The following FBXO41 variants were observed in gnomAD, a reference collection of about 807,000 sequenced individuals.
FBXO41 encodes the protein F-box only protein 41.
In FBXO41, 33 loss-of-function variants were observed where a neutral mutation model predicts 81.6. The ratio of observed to expected loss-of-function variants is 0.40; its 90% CI spans 0.31 to 0.54. FBXO41 has a LOEUF of 0.54. Ranked by LOEUF, FBXO41 falls within the 20% of genes least tolerant of loss-of-function variation. The pLI is 0.39. For missense variants in FBXO41, 1,107 were observed against 1,236.0 expected (o/e 0.90, Z 1.56); for synonymous variants, 576 against 552.7 (o/e 1.04, Z -0.59).
intron 1 of FBXO41, chr2:73,271,192 G>T: frequency 3.0e-6 from 1 of 331,722 alleles, no homozygotes; most frequent in Non-Finnish European, 6.0e-6. Context: ...TTGCCTTCTG[G>T]CATTTCCACA....
intron 1 of FBXO41, among the ~76,000 whole-genome samples, chr2:73,279,938 C>A (rs1194897255): frequency 1.3e-5 from 2 of 152,100 alleles, no homozygotes; most frequent in Non-Finnish European, 2.9e-5. Flanking sequence ...TTAGAAGCAG[C>A]CAGTAGACAG....
In FBXO41 at chr2:73,265,404, C is replaced by T. The variant is rs774012541; in HGVS notation, c.1442G>A (p.Gly481Glu). The T allele has an allele frequency of 1.2e-6, 2 of 1,610,916 alleles. No individual in the cohort carries two copies. Among genetic ancestry groups the T allele is most frequent in the Admixed American group, 1.7e-5 (1 of 60,014 alleles). The change falls in exon 5 of 13, where the codon GGG becomes GAG. Residue 481 changes from glycine to glutamate, a missense_variant. Transcript: ENST00000520530. Reference sequence around the variant, plus strand: ...AACGTCGGAGACATCACCCTCTTCCCCCTCAGTGCTGTGTCGGCGGGGTCT... The same window carrying T: ...AACGTCGGAGACATCACCCTCTTCCTCCTCAGTGCTGTGTCGGCGGGGTCT... ...QRRPRRHSTE[G>E]EEGDVSDVGS...
chr2:73,280,402 A>T (rs1388143564), intron 1 of FBXO41, among the ~76,000 whole-genome samples: 1 of 152,220 alleles, frequency 6.6e-6, no homozygotes, highest in African/African-American at 2.4e-5. Flanking sequence ...TTCTAAAAAC[A>T]TTTCAGAAGG....
In FBXO41 at chr2:73,269,504, T is replaced by G; in HGVS notation, c.127A>C (p.Lys43Gln). ...GCGCCGTCGCAGATGCTGTTGGTCT[T>G]GGAGAGGATGTAGAGCGTCTCGTAG... ...HTYETLYILS[K>Q]TNSICDGAAA... is the part of the protein sequence containing the mutation. Residue 43 changes from lysine (K) to glutamine (Q), a missense_variant, in exon 2 of 13, where the codon AAG becomes CAG. Lys to Gln is a moderately conservative substitution (Grantham distance 53). Coordinates refer to ENST00000520530, the MANE Select transcript of FBXO41 (RefSeq NM_001371389.2). This position sits in a 1 kb window ranked among gnomAD's most constrained non-coding sequence, Gnocchi z 7.0. 2.2e-6 allele frequency: 3 copies of G among 1,346,458 alleles called. No individual in the cohort carries two copies. Among genetic ancestry groups the G allele is most frequent in the Non-Finnish European group, 2.9e-6 (3 of 1,039,562 alleles). 83.4% of individuals were successfully genotyped at this position (1,346,458 alleles called of 1,614,324 possible). A position where few individuals can be genotyped will look rare whatever the true frequency, so the allele number is the denominator to read the frequency against.
In FBXO41 at chr2:73,265,211, G is replaced by C. The variant is rs566182087; in HGVS notation, c.1564+71C>G. 9 of 1,396,224 alleles carry C rather than the reference G, an allele frequency of 6.4e-6. No homozygotes were observed. In the African/African-American group the frequency reaches 1.1e-4, roughly 18 times the overall value. The allele number at this position is 1,396,224 out of a possible 1,614,324, so 86.5% of individuals were successfully genotyped here. ...GGTGGGCAAGTCTGGGGAAAGGGGAGGGGGGTGCAGGAGCCCAGGAGATTC... is the reference window on the plus strand; with the variant it reads ...GGTGGGCAAGTCTGGGGAAAGGGGACGGGGGTGCAGGAGCCCAGGAGATTC... On this transcript the variant is annotated intron_variant, in intron 5 of 12. Coordinates refer to ENST00000520530, the MANE Select transcript of FBXO41 (RefSeq NM_001371389.2).
intron 2 of FBXO41, among the ~76,000 whole-genome samples, 198 bp downstream of exon 2, chr2:73,268,528 A>T (rs1558586916): frequency 1.3e-5 from 2 of 152,230 alleles, no homozygotes. Flanking sequence ...AAAGAGGCAC[A>T]GGGTCACACT....
Position 73,265,865 on chromosome 2 carries a change from C to T in FBXO41, c.1205+28G>A, listed in dbSNP as rs1305077570. 4.5e-6 allele frequency: 7 copies of T among 1,564,036 alleles called. No homozygotes were observed. In the Admixed American group the frequency reaches 1.3e-4, roughly 29 times the overall value. On this transcript the variant is annotated intron_variant, in intron 4 of 12. Coordinates refer to ENST00000520530, the MANE Select transcript of FBXO41 (RefSeq NM_001371389.2). ...ATCCTTCCAGGGTGAGGGTGGGCTG[C>T]ATGGGGTGGGCTGGGCCCAAGGCTT...
rs763527163 is a variant in FBXO41, at chr2:73,266,667, G to A, written c.921C>T (p.Ile307=). 80 of 1,591,876 alleles carry A rather than the reference G, an allele frequency of 5.0e-5. No individual in the cohort carries two copies. Among genetic ancestry groups the A allele is most frequent in the Admixed American group, 6.8e-5 (4 of 58,458 alleles). The change falls in exon 3 of 13, where the codon ATC becomes ATT. Residue 307 remains isoleucine, a synonymous_variant. Coordinates refer to ENST00000520530, the MANE Select transcript of FBXO41 (RefSeq NM_001371389.2). The surrounding 1 kb of genome is among the most constrained non-coding windows in gnomAD (Gnocchi z 5.3). Reference sequence around the variant, plus strand: ...CCGCCGTCTCCTTCAGGAACTGGTCGATCTGCACCACCTCCCTGGGCCCAG... The same window carrying A: ...CCGCCGTCTCCTTCAGGAACTGGTCAATCTGCACCACCTCCCTGGGCCCAG... ...LSRKQQEVVQ[I]DQFLKETAAR...
At position 73,265,406 on chromosome 2, in the gene FBXO41, C is replaced by G; in HGVS notation, c.1440G>C (p.Glu480Asp). 1 of 1,610,830 alleles carries G rather than the reference C, an allele frequency of 6.2e-7. No individual in the cohort carries two copies. Among genetic ancestry groups the G allele is most frequent in the Non-Finnish European group, 8.5e-7 (1 of 1,179,734 alleles). The part of the protein sequence containing the change: ...WQRRPRRHST[E>D]GEEGDVSDVG... ...CGTCGGAGACATCACCCTCTTCCCCCTCAGTGCTGTGTCGGCGGGGTCTGC... is the reference window on the plus strand; with the variant it reads ...CGTCGGAGACATCACCCTCTTCCCCGTCAGTGCTGTGTCGGCGGGGTCTGC... The change falls in exon 5 of 13, where the codon GAG becomes GAC. Residue 480 changes from glutamate (E) to aspartate (D), a missense_variant. This residue lies in a region of FBXO41 where 771 missense variants were observed against 789.2 expected (regional missense o/e 0.98). Coordinates refer to ENST00000520530, the MANE Select transcript of FBXO41 (RefSeq NM_001371389.2).
At chr2:73,283,728 C>T (rs773912889) in intron 1 of FBXO41, among the ~76,000 whole-genome samples, 1 of 152,216 alleles carries the variant, frequency 6.6e-6, no homozygotes, top group African/African-American at 2.4e-5. Context: ...CACACCGGCA[C>T]GCACAGACAC....
Position 73,264,285 on chromosome 2 carries a change from C to T in FBXO41, c.1799G>A (p.Cys600Tyr), listed in dbSNP as rs1448083007. Residue 600 changes from cysteine to tyrosine, a missense_variant, in exon 6 of 13, where the codon TGC becomes TAC. Cys to Tyr is a radical substitution (Grantham distance 194). Coordinates refer to ENST00000520530, the MANE Select transcript of FBXO41 (RefSeq NM_001371389.2). ...TRVLLENARV[C>Y]SKFLAMLAQW... ...GCAGGCAGGGGCAGGTACCTTGGAG[C>T]AGACACGGGCATTCTCAAGCAGCAC... is the stretch of plus-strand genomic sequence containing the variant. The T allele has an allele frequency of 6.2e-7, 1 of 1,613,354 alleles. No homozygotes were observed. The highest frequency in any genetic ancestry group is 8.5e-7 in the Non-Finnish European group (1 of 1,179,848).
chr2:73,254,822 G>A lies in FBXO41; in HGVS notation c.*4160C>T, dbSNP rs1237850014. ...TACGGGTGACATGGAGCAAAGTGCTGGGATGGCGATGCCTGGGTGGGGCAG... is the reference window on the plus strand; with the variant it reads ...TACGGGTGACATGGAGCAAAGTGCTAGGATGGCGATGCCTGGGTGGGGCAG... On this transcript the variant is annotated 3_prime_UTR_variant, in exon 13 of 13. Transcript: ENST00000520530. 2 of 152,710 alleles carry A rather than the reference G, an allele frequency of 1.3e-5. No individual in the cohort carries two copies. The highest frequency in any genetic ancestry group is 6.5e-5 in the Admixed American group (1 of 15,286). The allele number at this position is 152,710 out of a possible 1,614,324, so 9.5% of individuals were successfully genotyped here. A position where few individuals can be genotyped will look rare whatever the true frequency, so the allele number is the denominator to read the frequency against.
At position 73,264,416 on chromosome 2, in the gene FBXO41, G is replaced by A. The variant is rs1395957217; in HGVS notation, c.1668C>T (p.Ala556=). The A allele has an allele frequency of 1.9e-5, 30 of 1,613,958 alleles. No homozygotes were observed. The highest frequency in any genetic ancestry group is 1.6e-4 in the Middle Eastern group (1 of 6,062). The change falls in exon 6 of 13, where the codon GCC becomes GCT. Residue 556 remains alanine, a synonymous_variant. Transcript: ENST00000520530. The part of the protein sequence containing the change: ...ISPEILKMRA[A]LFCIFTYLDT... ...CCAGGTAGGTGAAGATGCAGAAGAGGGCAGCTCGCATCTTCAGGATCTCTG... is the reference window on the plus strand; with the variant it reads ...CCAGGTAGGTGAAGATGCAGAAGAGAGCAGCTCGCATCTTCAGGATCTCTG...
Position 73,260,887 on chromosome 2 carries a change from G to A in FBXO41, c.2172-29C>T, listed in dbSNP as rs1363288396. The A allele has an allele frequency of 6.5e-7, 1 of 1,528,852 alleles. No homozygotes were observed. The highest frequency in any genetic ancestry group is 8.9e-7 in the Non-Finnish European group (1 of 1,129,094). The allele number at this position is 1,528,852 out of a possible 1,614,324, so 94.7% of individuals were successfully genotyped here. A position where few individuals can be genotyped will look rare whatever the true frequency, so the allele number is the denominator to read the frequency against. On this transcript the variant is annotated intron_variant, in intron 9 of 12. Coordinates refer to ENST00000520530, the MANE Select transcript of FBXO41 (RefSeq NM_001371389.2). The surrounding 1 kb of genome is among the most constrained non-coding windows in gnomAD (Gnocchi z 5.0). ...GAGAATGGGAAGGGGGAGCCGTCAG[G>A]GAAGTCTCTGGATGCTTGATAACCC...
chr2:73,269,645 C>T lies in FBXO41; in HGVS notation c.-15G>A. 8.5e-7 allele frequency: 1 copy of T among 1,174,650 alleles called. No homozygotes were observed. Among genetic ancestry groups the T allele is most frequent in the Non-Finnish European group, 1.0e-6 (1 of 953,116 alleles). The allele number at this position is 1,174,650 out of a possible 1,614,324, so 72.8% of individuals were successfully genotyped here. ...AGCGAGGCCATGGCCCCGCCGCCCC[C>T]GCGGCACGCGGGCTCCACCGCGGCC... On this transcript the variant is annotated 5_prime_UTR_variant, in exon 2 of 13. Transcript: ENST00000520530. The surrounding 1 kb of genome is among the most constrained non-coding windows in gnomAD (Gnocchi z 7.0).
rs1048681477 is a variant in FBXO41, at chr2:73,269,922, G to A, written c.-138-154C>T. 6.6e-6 allele frequency among the ~76,000 whole-genome samples: 1 copy of A among 152,186 alleles called. No individual in the cohort carries two copies. Among genetic ancestry groups the A allele is most frequent in the Non-Finnish European group, 1.5e-5 (1 of 68,024 alleles). ...GGCTGGCCTGCTCTGGCACCTGTGCGAGGGCCTGTATGTGTGCAAGAGACA... is the reference window on the plus strand; with the variant it reads ...GGCTGGCCTGCTCTGGCACCTGTGCAAGGGCCTGTATGTGTGCAAGAGACA... On this transcript the variant is annotated intron_variant, in intron 1 of 12. Coordinates refer to ENST00000520530, the MANE Select transcript of FBXO41 (RefSeq NM_001371389.2). This position sits in a 1 kb window ranked among gnomAD's most constrained non-coding sequence, Gnocchi z 7.0.
rs1688153145 is a variant in FBXO41 at position 73,264,502 on chromosome 2, T to C, written c.1582A>G (p.Ser528Gly). The change falls in exon 6 of 13, where the codon AGT becomes GGT. Residue 528 changes from serine to glycine, a missense_variant. By Grantham distance (56) the Ser-to-Gly change is moderately conservative. Transcript: ENST00000520530. ...CTCTCTGCTCGCCGACCCCGCCCAC[T>C]GCCTCCCTCGGGGCGGGCTGCAGAA... is the stretch of plus-strand genomic sequence containing the variant. ...CRLSARPEGGSGRGRRAERVS... is the reference protein window; with the variant it reads ...CRLSARPEGGGGRGRRAERVS... The C allele has an allele frequency of 1.9e-6, 3 of 1,613,606 alleles. No homozygotes were observed. Among genetic ancestry groups the C allele is most frequent in the Non-Finnish European group, 2.5e-6 (3 of 1,179,874 alleles).
intron 1 of FBXO41, among the ~76,000 whole-genome samples, chr2:73,276,563 A>T (rs1335066813): frequency 1.4e-3 from 82 of 60,602 alleles, no homozygotes; most frequent in Middle Eastern, 8.9e-3. Context: ...ATCTATTCAG[A>T]GAGAGAGAGA....
At chr2:73,271,021 TC>T (rs1320352241) in intron 1 of FBXO41, 8 of 468,154 alleles carry the variant, frequency 1.7e-5, no homozygotes, top group Non-Finnish European at 3.5e-5. Flanking sequence ...TTCTGCAACT[TC>T]CTGTTCTTGC....
Sources: allele counts gnomAD v4.1 joint callset (sites outside exome capture counted in the v4.1 genomes callset), GRCh38; gene constraint gnomAD v4.1.1; regional missense constraint gnomAD v4.1.1; non-coding constraint Gnocchi (gnomAD v3.1); transcripts MANE v1.5; gene names NCBI Gene and HGNC (gene_info 2026-07-23, HGNC 2026-07-21).